The following NWD1 variants were observed in gnomAD, a reference collection of about 807,000 sequenced individuals.
NWD1 encodes NACHT domain- and WD repeat-containing protein 1.
In NWD1, 129 loss-of-function variants were observed where a neutral mutation model predicts 135.1. The observed-to-expected ratio is 0.96, with a 90% CI of 0.83 to 1.11. The LOEUF is 1.11. Ranked by LOEUF, NWD1 falls within the 50% of genes least tolerant of loss-of-function variation. The pLI is 0.00. For synonymous variants in NWD1, 773 were observed against 786.0 expected (o/e 0.98, Z 0.28); for missense variants, 1,740 against 1,851.3 (o/e 0.94, Z 1.10).
intron 2 of NWD1, among the ~76,000 whole-genome samples, chr19:16,730,185 G>T (rs1399637194): frequency 6.6e-6 from 1 of 151,940 alleles, no homozygotes; most frequent in East Asian, 1.9e-4. Flanking sequence ...AGCCAGGTGT[G>T]GTGGTGCACG....
intron 11 of NWD1, among the ~76,000 whole-genome samples, chr19:16,776,362 G>T (rs1173596716): frequency 6.6e-6 from 1 of 151,978 alleles, no homozygotes; most frequent in Non-Finnish European, 1.5e-5. Context: ...GAGATCAGGA[G>T]TTCAAGACCA....
intron 12 of NWD1, among the ~76,000 whole-genome samples, chr19:16,785,230 G>A (rs1969997916): frequency 2.0e-5 from 3 of 152,102 alleles, no homozygotes; most frequent in Admixed American, 2.0e-4. Context: ...TAATGTGATA[G>A]GCCAGGCGCG....
chr19:16,781,285 A>T (rs1969845091), intron 12 of NWD1, among the ~76,000 whole-genome samples: 1 of 152,134 alleles, frequency 6.6e-6, no homozygotes, highest in Non-Finnish European at 1.5e-5. Context: ...ATAACTAGCT[A>T]CCTTGTGCTC....
Position 16,750,328 on chromosome 19 carries a change from C to A in NWD1, c.1686C>A (p.Ala562=). 1 of 1,613,302 alleles carries A rather than the reference C, an allele frequency of 6.2e-7. No homozygotes were observed. Residue 562 remains alanine, a synonymous_variant, in exon 6 of 19, where the codon GCC becomes GCA. Transcript: ENST00000524140. The part of the protein sequence containing the change: ...PVPLATTAEE[A]THQLCTRLEQ... ...CGCTGGCCACCACCGCAGAGGAAGC[C>A]ACGCACCAACTCTGCACCCGCCTGG...
In NWD1 at chr19:16,763,694, G is replaced by A. The variant is rs117503613; in HGVS notation, c.2134-134G>A. The A allele has an allele frequency of 4.5e-3, 2,966 of 658,384 alleles. 109 individuals carry two copies. The East Asian group carries it at 0.07, about 16-fold the overall frequency. 40.8% of individuals were successfully genotyped at this position (658,384 alleles called of 1,614,324 possible). On this transcript the variant is annotated intron_variant, in intron 8 of 18. Coordinates refer to ENST00000524140, the MANE Select transcript of NWD1 (RefSeq NM_001007525.5). ...TCCAGCCCTGACCAATGGGCACATG[G>A]GGGTATGTCTGTCTTCCATTGCATT...
intron 14 of NWD1, among the ~76,000 whole-genome samples, chr19:16,793,496 G>C (rs1245724232): frequency 6.6e-6 from 1 of 151,778 alleles, no homozygotes; most frequent in African/African-American, 2.4e-5. Context: ...AAAGTGCTGG[G>C]ATTACAGGCG....
chr19:16,728,366 CCT>C (rs1457991478), intron 2 of NWD1, among the ~76,000 whole-genome samples: 4 of 147,306 alleles, frequency 2.7e-5, no homozygotes, highest in Non-Finnish European at 4.5e-5. Flanking sequence ...CTCACTATTA[CCT>C]CTGTCTCCCA....
intron 4 of NWD1, among the ~76,000 whole-genome samples, chr19:16,739,953 C>T (rs1250269539): frequency 6.6e-6 from 1 of 152,070 alleles, no homozygotes; most frequent in Non-Finnish European, 1.5e-5. Context: ...TGGCTTGTGT[C>T]TTAGTCTATT....
Position 16,815,063 on chromosome 19 carries a change from G to C in NWD1, c.*24G>C. 3 of 1,613,020 alleles carry C rather than the reference G, an allele frequency of 1.9e-6. No individual in the cohort carries two copies. Among genetic ancestry groups the C allele is most frequent in the Non-Finnish European group, 2.5e-6 (3 of 1,179,062 alleles). On this transcript the variant is annotated 3_prime_UTR_variant, in exon 19 of 19. Coordinates refer to ENST00000524140, the MANE Select transcript of NWD1 (RefSeq NM_001007525.5). ...GACAGTCCAGTTTGTCCATGCTGTG[G>C]TAAACAGAATCATCCCAACCACCAG...
At chr19:16,738,542 C>T (rs1209392114) in intron 4 of NWD1, among the ~76,000 whole-genome samples, 18 of 140,594 alleles carry the variant, frequency 1.3e-4, no homozygotes, top group Non-Finnish European at 4.5e-5. Flanking sequence ...GCATTCCAGA[C>T]TGCGCAACAG....
rs1254982097 is a variant in NWD1 at position 16,797,893 on chromosome 19, G to T, written c.3459+7G>T. ...CCTTGATGCGCTCATTCAGGTGAGG[G>T]GAGATCTGGGACCCTTCATCCTCAC... On this transcript the variant is annotated splice_region_variant and intron_variant, in intron 16 of 18. Coordinates refer to ENST00000524140, the MANE Select transcript of NWD1 (RefSeq NM_001007525.5). 2.5e-6 allele frequency: 4 copies of T among 1,611,348 alleles called. No homozygotes were observed. The highest frequency in any genetic ancestry group is 3.4e-6 in the Non-Finnish European group (4 of 1,178,436).
Position 16,807,761 on chromosome 19 carries a change from C to T in NWD1, c.3912C>T (p.Cys1304=). 1 of 1,613,510 alleles carries T rather than the reference C, an allele frequency of 6.2e-7. No homozygotes were observed. Among genetic ancestry groups the T allele is most frequent in the Non-Finnish European group, 8.5e-7 (1 of 1,179,528 alleles). The change falls in exon 18 of 19, where the codon TGC becomes TGT. Residue 1304 remains cysteine, a synonymous_variant. Transcript: ENST00000524140. ...PPPEARKAIN[C]MSLSKCEDRL... ...CCGAGGCCCGGAAAGCAATCAACTG[C>T]ATGTCCCTGAGCAAGTGCGAGGACC... is the stretch of plus-strand genomic sequence containing the variant.
At chr19:16,814,074 G>A (rs1042246750) in intron 18 of NWD1, among the ~76,000 whole-genome samples, 1 of 152,126 alleles carries the variant, frequency 6.6e-6, no homozygotes, top group African/African-American at 2.4e-5. Context: ...GATCATGGGA[G>A]GTCGAGGTGT....
intron 10 of NWD1, among the ~76,000 whole-genome samples, chr19:16,771,719 T>A (rs1217588407): frequency 6.6e-6 from 1 of 152,066 alleles, no homozygotes; most frequent in Non-Finnish European, 1.5e-5. Context: ...GAACAAATGT[T>A]ATCACCAGAG....
At chr19:16,804,537 G>A (rs1195237157) in intron 17 of NWD1, among the ~76,000 whole-genome samples, 1 of 151,582 alleles carries the variant, frequency 6.6e-6, no homozygotes, top group Non-Finnish European at 1.5e-5. Context: ...CAAGGCTGCA[G>A]TGAGCTATGA....
In NWD1 at chr19:16,773,161, C is replaced by T; in HGVS notation, c.2446C>T (p.Leu816Phe). The change falls in exon 11 of 19, where the codon CTC (leucine) becomes TTC (phenylalanine). Residue 816 changes from leucine to phenylalanine, a missense_variant. Physicochemically the swap from Leu to Phe is conservative, Grantham distance 22 (BLOSUM62 0). Coordinates refer to ENST00000524140, the MANE Select transcript of NWD1 (RefSeq NM_001007525.5). ...CCTGTACACAGAACTGCTGGCCAGACTCCATTTCTTCGCCACCTCACATCC... is the reference window on the plus strand; with the variant it reads ...CCTGTACACAGAACTGCTGGCCAGATTCCATTTCTTCGCCACCTCACATCC... ...SLLYTELLAR[L>F]HFFATSHPAL... 1.2e-6 allele frequency: 2 copies of T among 1,613,970 alleles called. No homozygotes were observed. The highest frequency in any genetic ancestry group is 1.7e-6 in the Non-Finnish European group (2 of 1,180,042).
At chr19:16,725,485 A>C (rs543285885) in intron 2 of NWD1, among the ~76,000 whole-genome samples, 9 of 152,146 alleles carry the variant, frequency 5.9e-5, no homozygotes, top group Admixed American at 3.9e-4. Flanking sequence ...ATCACCTAAC[A>C]ACAAACCTCC....
Position 16,759,246 on chromosome 19 carries a change from G to C in NWD1, c.1791G>C (p.Glu597Asp). The C allele has an allele frequency of 1.9e-6, 3 of 1,614,078 alleles. No individual in the cohort carries two copies. The highest frequency in any genetic ancestry group is 2.2e-5 in the East Asian group (1 of 44,870). The change falls in exon 7 of 19, where the codon GAG becomes GAC. Residue 597 changes from glutamate (E) to aspartate (D), a missense_variant. By Grantham distance (45) the Glu-to-Asp change is conservative. Coordinates refer to ENST00000524140, the MANE Select transcript of NWD1 (RefSeq NM_001007525.5). ...VSSRHGLSEA[E>D]LKDVLSLDDE... ...TCAGACACGGTCTCTCGGAGGCGGA[G>C]CTGAAGGATGTTTTGTCCCTGGACG...
intron 10 of NWD1, among the ~76,000 whole-genome samples, chr19:16,765,592 C>T (rs114130570): frequency 0.02 from 3,093 of 152,194 alleles, 97 homozygotes; most frequent in African/African-American, 0.067. Flanking sequence ...CCTCAGCCTC[C>T]CAGAGTGCTA....
Sources: allele counts gnomAD v4.1 joint callset (sites outside exome capture counted in the v4.1 genomes callset), GRCh38; gene constraint gnomAD v4.1.1; transcripts MANE v1.5; gene names NCBI Gene and HGNC (gene_info 2026-07-23, HGNC 2026-07-21).